CAMK2D: variants seen among roughly 807,000 people sequenced by gnomAD.
CAMK2D encodes the protein calcium/calmodulin-dependent protein kinase type II subunit delta.
In CAMK2D, 37 loss-of-function variants were observed where a neutral mutation model predicts 84.0. The ratio of observed to expected loss-of-function variants is 0.44; its 90% confidence interval spans 0.34 to 0.58. The LOEUF is 0.58. Among genes scored for constraint, CAMK2D ranks in the 20% least tolerant of loss-of-function variants. The pLI is 0.02. For synonymous variants in CAMK2D, 202 were observed against 212.5 expected (o/e 0.95, Z 0.43); for missense variants, 448 against 652.5 (o/e 0.69, Z 3.41).
At chr4:113,656,488 C>T (rs1037775718) in intron 3 of CAMK2D, among the ~76,000 whole-genome samples, 5 of 152,116 alleles carry the variant, frequency 3.3e-5, no homozygotes, top group African/African-American at 1.2e-4. Context: ...AACTAGGAAA[C>T]CATTTTACAC....
intron 17 of CAMK2D, 58 bp from the exon 18 acceptor site, chr4:113,460,299 G>T: frequency 2.2e-6 from 2 of 926,950 alleles, no homozygotes; most frequent in South Asian, 1.4e-5. Flanking sequence ...GTGTTTTGTT[G>T]TTTCATGTGT....
chr4:113,678,397 C>T lies in CAMK2D; in HGVS notation c.161-16625G>A, dbSNP rs138145821. 1.5e-3 allele frequency among the ~76,000 whole-genome samples: 226 copies of T among 152,002 alleles called. 1 individual carries two copies. The highest frequency in any genetic ancestry group is 5.0e-3 in the African/African-American group (209 of 41,476). On this transcript the variant is annotated intron_variant, in intron 2 of 20. Coordinates refer to ENST00000511664, the MANE Select transcript of CAMK2D (RefSeq NM_001321571.2). The stretch of plus-strand genomic sequence containing the variant: ...AAGCCTTTTAGGCATCTATTCTCTT[C>T]GTGACATCAGTGGGCTAAACTAAGA...
chr4:113,581,064 C>T (rs1286337104), intron 4 of CAMK2D, among the ~76,000 whole-genome samples: 1 of 151,640 alleles, frequency 6.6e-6, no homozygotes, highest in Non-Finnish European at 1.5e-5. Context: ...TGTGCCCCAG[C>T]ACTAAAAATA....
At chr4:113,560,486 A>AT (rs1342549685) in intron 4 of CAMK2D, among the ~76,000 whole-genome samples, 2 of 152,218 alleles carry the variant, frequency 1.3e-5, no homozygotes, top group Admixed American at 1.3e-4. Flanking sequence ...GCATAGGTCT[A>AT]TTTTTAAAGC....
intron 13 of CAMK2D, among the ~76,000 whole-genome samples, chr4:113,506,666 A>G (rs1166912591): frequency 6.6e-6 from 1 of 152,198 alleles, no homozygotes; most frequent in Non-Finnish European, 1.5e-5. Context: ...TGTCAAATGA[A>G]CAGGGGCACT....
At chr4:113,507,733 T>G (rs983552052) in intron 13 of CAMK2D, among the ~76,000 whole-genome samples, 1 of 152,174 alleles carries the variant, frequency 6.6e-6, no homozygotes, top group African/African-American at 2.4e-5. Flanking sequence ...GGGCAAGATA[T>G]TCCTATTTCT....
intron 13 of CAMK2D, among the ~76,000 whole-genome samples, chr4:113,508,934 T>G (rs372447370): frequency 8.5e-5 from 13 of 152,230 alleles, no homozygotes; most frequent in African/African-American, 3.1e-4. Flanking sequence ...TAGGTGGTAC[T>G]CTGAAAAGAT....
At chr4:113,537,075 A>G (rs2098498222) in intron 7 of CAMK2D, among the ~76,000 whole-genome samples, 1 of 152,216 alleles carries the variant, frequency 6.6e-6, no homozygotes, top group Non-Finnish European at 1.5e-5. Context: ...TGCTTACTAA[A>G]TAATGTACTT....
At chr4:113,722,129 T>C (rs1452668899) in intron 2 of CAMK2D, among the ~76,000 whole-genome samples, 1 of 151,920 alleles carries the variant, frequency 6.6e-6, no homozygotes, top group Non-Finnish European at 1.5e-5. Context: ...CTTAAGAGAG[T>C]ATAGAAAAAG....
intron 4 of CAMK2D, among the ~76,000 whole-genome samples, chr4:113,569,618 T>C (rs2098742756): frequency 6.6e-6 from 1 of 152,198 alleles, no homozygotes; most frequent in Admixed American, 6.5e-5. Context: ...TTTAAGTAAT[T>C]AACTTCTAAA....
At chr4:113,502,463 A>C (rs1165840087) in intron 15 of CAMK2D, among the ~76,000 whole-genome samples, 1 of 151,496 alleles carries the variant, frequency 6.6e-6, no homozygotes, top group African/African-American at 2.4e-5. Flanking sequence ...AAAAACCAAA[A>C]AAAAAAAAAA....
chr4:113,455,677 TTTCATTCAGCTCCA>T, intron 20 of CAMK2D, 35 bp downstream of exon 20: 2 of 1,053,696 alleles, frequency 1.9e-6, no homozygotes, highest in Non-Finnish European at 2.9e-6. Flanking sequence ...CCATGCAGCT[TTTCATTCAGCTCCA>T]GTCACAAAGT....
At chr4:113,467,209 C>G (rs1169263503) in intron 16 of CAMK2D, among the ~76,000 whole-genome samples, 2 of 152,192 alleles carry the variant, frequency 1.3e-5, no homozygotes, top group Non-Finnish European at 2.9e-5. Context: ...TCTTATCTTA[C>G]TGAGGTAGTG....
At position 113,599,206 on chromosome 4, in the gene CAMK2D, T is replaced by C. The variant is rs146989280; in HGVS notation, c.275+9946A>G. ...CAAAGGTAAAGCTATGGAGACAGTATGGAGCAACAGGAACTCTCATTCATT... is the reference window on the plus strand; with the variant it reads ...CAAAGGTAAAGCTATGGAGACAGTACGGAGCAACAGGAACTCTCATTCATT... On this transcript the variant is annotated intron_variant, in intron 4 of 20. Transcript: ENST00000511664. Among the ~76,000 whole-genome samples, 311 of 152,292 alleles carry C rather than the reference T, an allele frequency of 2.0e-3. 6 individuals carry two copies. The highest frequency in any genetic ancestry group is 0.017 in the Admixed American group (260 of 15,294).
chr4:113,596,212 G>A (rs770627484), intron 4 of CAMK2D, among the ~76,000 whole-genome samples: 5 of 152,134 alleles, frequency 3.3e-5, no homozygotes, highest in African/African-American at 9.7e-5. Flanking sequence ...TTACATCAAT[G>A]CAGTCACATC....
intron 13 of CAMK2D, among the ~76,000 whole-genome samples, chr4:113,505,894 C>G (rs1440831932): frequency 1.3e-5 from 2 of 152,136 alleles, no homozygotes; most frequent in African/African-American, 2.4e-5. Flanking sequence ...GAAACTACAA[C>G]TGAGTCGGGG....
At chr4:113,656,827 C>T (rs1561639706) in intron 3 of CAMK2D, among the ~76,000 whole-genome samples, 1 of 152,154 alleles carries the variant, frequency 6.6e-6, no homozygotes, top group Non-Finnish European at 1.5e-5. Flanking sequence ...AAAGCAGTGA[C>T]CAAGACTCTC....
At chr4:113,666,788 T>C (rs2099259167) in intron 2 of CAMK2D, among the ~76,000 whole-genome samples, 1 of 152,150 alleles carries the variant, frequency 6.6e-6, no homozygotes, top group Admixed American at 6.5e-5. Flanking sequence ...ATGGAATGTT[T>C]AAAATCCAGC....
chr4:113,591,764 C>G (rs1430974908), intron 4 of CAMK2D, among the ~76,000 whole-genome samples: 1 of 152,198 alleles, frequency 6.6e-6, no homozygotes, highest in East Asian at 1.9e-4. Context: ...TCTGTCCCCT[C>G]TGGGCCTTTG....
Sources: gnomAD v4.1 joint callset for allele counts (sites outside exome capture counted in the v4.1 genomes callset) on GRCh38, gnomAD v4.1.1 for gene constraint, MANE v1.5 for transcripts, NCBI Gene and HGNC (gene_info 2026-07-23, HGNC 2026-07-21) for gene names.